Variants in CACNA1C observed in about 807,000 individuals in gnomAD.
CACNA1C encodes voltage-dependent L-type calcium channel subunit alpha-1C.
A neutral mutation model predicts 229.0 loss-of-function variants in CACNA1C; 30 were observed. The ratio of observed to expected loss-of-function variants is 0.13; its 90% CI spans 0.10 to 0.18. The LOEUF is 0.18. Among genes scored for constraint, CACNA1C ranks in the 10% least tolerant of loss-of-function variants. CACNA1C has a pLI of 1.00. For missense variants in CACNA1C, 1,658 were observed against 2,845.0 expected (o/e 0.58, Z 9.49); for synonymous variants, 1,114 against 1,132.5 (o/e 0.98, Z 0.33).
In CACNA1C at chr12:2,633,773, T is replaced by C. The variant is rs2091628945; in HGVS notation, c.3829-524T>C. On this transcript the variant is annotated intron_variant, in intron 29 of 46. Transcript: ENST00000399655. The surrounding 1 kb of genome is among the most constrained non-coding windows in gnomAD (Gnocchi z 5.8). ...CATTCCTCCTCCTCTGCCTCGTCTATTTCTCTCTCTCTCACTCTCTCTGTT... is the reference window on the plus strand; with the variant it reads ...CATTCCTCCTCCTCTGCCTCGTCTACTTCTCTCTCTCTCACTCTCTCTGTT... The C allele has an allele frequency of 2.2e-6, 2 of 898,952 alleles. No homozygotes were observed. The highest frequency in any genetic ancestry group is 1.8e-5 in the Admixed American group (1 of 55,058). The allele number at this position is 898,952 out of a possible 1,614,324, so 55.7% of individuals were successfully genotyped here. A position where few individuals can be genotyped will look rare whatever the true frequency, so the allele number is the denominator to read the frequency against.
chr12:2,653,965 A>C lies in CACNA1C; in HGVS notation c.4140+65A>C. 7.9e-7 allele frequency: 1 copy of C among 1,262,790 alleles called. No homozygotes were observed. Among genetic ancestry groups the C allele is most frequent in the Non-Finnish European group, 1.2e-6 (1 of 866,578 alleles). 78.2% of individuals were successfully genotyped at this position (1,262,790 alleles called of 1,614,324 possible). On this transcript the variant is annotated intron_variant, in intron 33 of 46. Coordinates refer to ENST00000399655, the MANE Select transcript of CACNA1C (RefSeq NM_000719.7). The surrounding 1 kb of genome is among the most constrained non-coding windows in gnomAD (Gnocchi z 4.7). ...CTGTCTCTCCCCAGTTCCCAGCACCACATTCCCTAACGCCTTCCTCCCTCC... is the reference window on the plus strand; with the variant it reads ...CTGTCTCTCCCCAGTTCCCAGCACCCCATTCCCTAACGCCTTCCTCCCTCC...
intron 3 of CACNA1C, among the ~76,000 whole-genome samples, chr12:2,389,028 G>A (rs1379223203): frequency 6.6e-6 from 1 of 152,306 alleles, no homozygotes. Context: ...AATGACTAGG[G>A]TAGGAGGAGA....
Position 1,971,022 on chromosome 12 carries a change from C to A in CACNA1C, c.-41C>A, listed in dbSNP as rs1592815967. On this transcript the variant is annotated 5_prime_UTR_variant, in exon 1 of 47. Transcript: ENST00000682462. The surrounding 1 kb of genome is among the most constrained non-coding windows in gnomAD (Gnocchi z 4.2). ...GATCATGAGCAGGATAATTATTTAG[C>A]TTTAAAAATCAACCAATTAATATAC... 9 of 1,236,556 alleles carry A rather than the reference C, an allele frequency of 7.3e-6. No homozygotes were observed. The highest frequency in any genetic ancestry group is 9.5e-6 in the Non-Finnish European group (9 of 949,792). 76.6% of individuals were successfully genotyped at this position (1,236,556 alleles called of 1,614,324 possible).
intron 29 of CACNA1C, among the ~76,000 whole-genome samples, chr12:2,625,518 A>G (rs2085911922): frequency 6.6e-6 from 1 of 152,132 alleles, no homozygotes; most frequent in Non-Finnish European, 1.5e-5. Context: ...ACCTTCTGTG[A>G]CACAGGCTGC....
chr12:2,435,548 AG>A (rs1013932016), intron 3 of CACNA1C, among the ~76,000 whole-genome samples: 3 of 152,146 alleles, frequency 2.0e-5, no homozygotes, highest in East Asian at 1.9e-4. Context: ...GGCAGGGGGA[AG>A]GGTTGCCCGG....
chr12:2,302,968 G>T (rs529377289), intron 3 of CACNA1C, among the ~76,000 whole-genome samples: 1 of 152,200 alleles, frequency 6.6e-6, no homozygotes, highest in African/African-American at 2.4e-5. Flanking sequence ...CGGGAGGGGG[G>T]CCTGGTAAAT....
At chr12:2,448,652 C>G (rs1055568604) in intron 3 of CACNA1C, among the ~76,000 whole-genome samples, 5 of 152,064 alleles carry the variant, frequency 3.3e-5, no homozygotes, top group Non-Finnish European at 7.3e-5. Flanking sequence ...GAATTCTCTT[C>G]TGGGAGAGCA....
Position 2,275,460 on chromosome 12 carries a change from C to G in CACNA1C, c.477+155030C>G, listed in dbSNP as rs548303444. Among the ~76,000 whole-genome samples, 18 of 152,280 alleles carry G rather than the reference C, an allele frequency of 1.2e-4. 1 individual carries two copies. In the South Asian group the frequency reaches 3.5e-3, roughly 30 times the overall value. ...TACCGCATCGCTCTGTGCATGTGAC[C>G]TAGCTCTCTCCTGGCCCCCTGTTCC... is the stretch of plus-strand genomic sequence containing the variant. On this transcript the variant is annotated intron_variant, in intron 3 of 46. Transcript: ENST00000399655. The surrounding 1 kb of genome is among the most constrained non-coding windows in gnomAD (Gnocchi z 4.1).
At chr12:2,159,687 C>G (rs1005673796) in intron 3 of CACNA1C, among the ~76,000 whole-genome samples, 11 of 151,102 alleles carry the variant, frequency 7.3e-5, no homozygotes, top group Non-Finnish European at 1.5e-4. Flanking sequence ...TCACTGCAAC[C>G]TTCACCTCCC....
chr12:2,008,249 C>T (rs1352805307), intron 1 of CACNA1C, among the ~76,000 whole-genome samples: 1 of 152,152 alleles, frequency 6.6e-6, no homozygotes, highest in Non-Finnish European at 1.5e-5. Flanking sequence ...TCCCAGGTAG[C>T]TGGGACCACA....
At chr12:2,671,654 C>A (rs1569174830) in intron 38 of CACNA1C, among the ~76,000 whole-genome samples, 1 of 152,170 alleles carries the variant, frequency 6.6e-6, no homozygotes, top group Non-Finnish European at 1.5e-5. Flanking sequence ...CTGTCAAAGC[C>A]AACCACATGC....
rs569557517 is a variant in CACNA1C, at chr12:2,427,348, A to G, written c.478-21628A>G. On this transcript the variant is annotated intron_variant, in intron 3 of 46. Coordinates refer to ENST00000399655, the MANE Select transcript of CACNA1C (RefSeq NM_000719.7). ...TTTCATGAAATGAAAAGGATAACAA[A>G]TGATCATTGTTATTTTTAATATATT... 7.2e-5 allele frequency among the ~76,000 whole-genome samples: 11 copies of G among 152,342 alleles called. No individual in the cohort carries two copies. The South Asian group carries it at 1.7e-3, about 23-fold the overall frequency.
intron 3 of CACNA1C, among the ~76,000 whole-genome samples, chr12:2,317,509 G>C (rs1260800465): frequency 6.6e-6 from 1 of 152,148 alleles, no homozygotes; most frequent in Non-Finnish European, 1.5e-5. Flanking sequence ...GGGGAATGGG[G>C]AGCTATTGAA....
At chr12:2,168,472 A>G (rs2096340365) in intron 3 of CACNA1C, among the ~76,000 whole-genome samples, 1 of 152,164 alleles carries the variant, frequency 6.6e-6, no homozygotes, top group South Asian at 2.1e-4. Flanking sequence ...TTTGCAGAGC[A>G]CTATACACAG....
chr12:2,002,752 GATT>G (rs899154272), intron 1 of CACNA1C, among the ~76,000 whole-genome samples: 3 of 152,094 alleles, frequency 2.0e-5, no homozygotes, highest in Non-Finnish European at 2.9e-5. Flanking sequence ...ACTTTTACAG[GATT>G]ATAACATTAT....
intron 3 of CACNA1C, among the ~76,000 whole-genome samples, chr12:2,198,082 G>T (rs370698357): frequency 3.3e-3 from 498 of 152,340 alleles, no homozygotes; most frequent in African/African-American, 0.011. Flanking sequence ...CCCAGAGGGT[G>T]AGCGGGCCTT....
At position 2,275,692 on chromosome 12, in the gene CACNA1C, C is replaced by T. The variant is rs1316952983; in HGVS notation, c.477+155262C>T. 6.6e-6 allele frequency among the ~76,000 whole-genome samples: 1 copy of T among 150,692 alleles called. No individual in the cohort carries two copies. Among genetic ancestry groups the T allele is most frequent in the African/African-American group, 2.5e-5 (1 of 40,044 alleles). ...AGTCTCAGATTGGATTTGACCTTTT[C>T]GCTTGTGGTCGGGCCAGGTTGAGCA... is the stretch of plus-strand genomic sequence containing the variant. On this transcript the variant is annotated intron_variant, in intron 3 of 46. Coordinates refer to ENST00000399655, the MANE Select transcript of CACNA1C (RefSeq NM_000719.7). The surrounding 1 kb of genome is among the most constrained non-coding windows in gnomAD (Gnocchi z 4.1).
chr12:2,125,902 A>G (rs143064264), intron 3 of CACNA1C, among the ~76,000 whole-genome samples: 356 of 152,358 alleles, frequency 2.3e-3, no homozygotes, highest in African/African-American at 8.3e-3. Context: ...AGAATAATCT[A>G]TTTAGCAAAG....
intron 1 of CACNA1C, among the ~76,000 whole-genome samples, chr12:2,085,195 C>T (rs1339672333): frequency 6.6e-6 from 1 of 152,158 alleles, no homozygotes; most frequent in Non-Finnish European, 1.5e-5. Flanking sequence ...TCTGGATCAG[C>T]CAACTGCAGA....
Sources: gnomAD v4.1 joint callset for allele counts (sites outside exome capture counted in the v4.1 genomes callset) on GRCh38, gnomAD v4.1.1 for gene constraint, Gnocchi (gnomAD v3.1) non-coding constraint, MANE v1.5 for transcripts, NCBI Gene and HGNC (gene_info 2026-07-23, HGNC 2026-07-21) for gene names.